Variants in TSC1 observed in about 807,000 individuals in gnomAD.
TSC1 encodes hamartin.
Under a neutral mutation model 124.3 loss-of-function variants are expected in TSC1, and 20 were observed. The ratio of observed to expected loss-of-function variants is 0.16; its 90% confidence interval spans 0.11 to 0.23. TSC1 has a LOEUF of 0.23. Among genes scored for constraint, TSC1 ranks in the 10% least tolerant of loss-of-function variants. The pLI is 1.00. For synonymous variants in TSC1, 493 were observed against 539.1 expected (o/e 0.91, Z 1.19); for missense variants, 1,124 against 1,448.5 (o/e 0.78, Z 3.64).
Position 132,907,467 on chromosome 9 carries a change from G to A in TSC1, c.1264-97C>T, listed in dbSNP as rs1845733827. 5.2e-6 allele frequency: 5 copies of A among 966,080 alleles called. No homozygotes were observed. In the South Asian group the frequency reaches 6.6e-5, roughly 13 times the overall value. The allele number at this position is 966,080 out of a possible 1,614,324, so 59.8% of individuals were successfully genotyped here. A position where few individuals can be genotyped will look rare whatever the true frequency, so the allele number is the denominator to read the frequency against. ...AGTTTAAAGGTCAGCCGAGTGCAGTGATTCTCAAATTGTTGGGATGTTTTC... is the reference window on the plus strand; with the variant it reads ...AGTTTAAAGGTCAGCCGAGTGCAGTAATTCTCAAATTGTTGGGATGTTTTC... On this transcript the variant is annotated intron_variant, in intron 12 of 22. Transcript: ENST00000298552.
At chr9:132,905,436 C>G in intron 15 of TSC1, 145 bp downstream of exon 15, 2 of 1,126,164 alleles carry the variant, frequency 1.8e-6, no homozygotes, top group Non-Finnish European at 1.3e-6. Flanking sequence ...GATGCAACAG[C>G]CTAGAAGGAC....
At chr9:132,937,181 C>G (rs11243937) in intron 1 of TSC1, among the ~76,000 whole-genome samples, 14,159 of 152,194 alleles carry the variant, frequency 0.093, 661 homozygotes, top group African/African-American at 0.11. Flanking sequence ...TGGTGGCTCA[C>G]GCCTGTAATC....
chr9:132,892,297 T>C lies in TSC1; in HGVS notation c.*3938A>G, dbSNP rs1010544692. 4.3e-6 allele frequency: 1 copy of C among 233,246 alleles called. No individual in the cohort carries two copies. The highest frequency in any genetic ancestry group is 8.5e-6 in the Non-Finnish European group (1 of 118,088). The allele number at this position is 233,246 out of a possible 1,614,324, so 14.4% of individuals were successfully genotyped here. On this transcript the variant is annotated 3_prime_UTR_variant, in exon 23 of 23. Coordinates refer to ENST00000298552, the MANE Select transcript of TSC1 (RefSeq NM_000368.5). ...GCTTAATCAAGTGCAATCAATGCCT[T>C]GGGATCTTTGCAGCAATCTGGGGGG...
At chr9:132,944,055 T>A (rs1265122523) in intron 1 of TSC1, 1 of 152,660 alleles carries the variant, frequency 6.6e-6, no homozygotes, top group African/African-American at 2.4e-5. Flanking sequence ...AGGCGAGTCC[T>A]TGATCCCCAC....
intron 15 of TSC1, 29 bp downstream of exon 15, chr9:132,905,552 A>T (rs2131805668): frequency 6.2e-7 from 1 of 1,613,130 alleles, no homozygotes; most frequent in South Asian, 1.1e-5. Context: ...GGACCATTTA[A>T]CACAGAAGAG....
chr9:132,925,972 A>G, intron 4 of TSC1: 1 of 556,624 alleles, frequency 1.8e-6, no homozygotes, highest in Non-Finnish European at 3.2e-6. Flanking sequence ...AGGACCCTAC[A>G]ATACACGCAT....
At position 132,923,516 on chromosome 9, in the gene TSC1, G is replaced by T; in HGVS notation, c.364-24C>A. 6.2e-7 allele frequency: 1 copy of T among 1,613,968 alleles called. No individual in the cohort carries two copies. Among genetic ancestry groups the T allele is most frequent in the Non-Finnish European group, 8.5e-7 (1 of 1,179,876 alleles). ...ATCTGCAGGAGAAAAGGTCAAACAG[G>T]AAACGTCTGTCAGGCACTGGCACCA... On this transcript the variant is annotated intron_variant, in intron 5 of 22. Coordinates refer to ENST00000298552, the MANE Select transcript of TSC1 (RefSeq NM_000368.5). This position sits in a 1 kb window ranked among gnomAD's most constrained non-coding sequence, Gnocchi z 4.2.
At chr9:132,940,365 T>A (rs948866304) in intron 1 of TSC1, among the ~76,000 whole-genome samples, 13 of 152,166 alleles carry the variant, frequency 8.5e-5, no homozygotes, top group African/African-American at 3.1e-4. Context: ...AAATCCCATG[T>A]CTGTATGAAT....
In TSC1 at chr9:132,896,170, C is replaced by T. The variant is rs1214663855; in HGVS notation, c.*65G>A. The stretch of plus-strand genomic sequence containing the variant: ...CCCTGGAAACAGGAAAGCTTTGAAA[C>T]GTGCATTCACACCTCCTGTTCTGTG... On this transcript the variant is annotated 3_prime_UTR_variant, in exon 23 of 23. Coordinates refer to ENST00000298552, the MANE Select transcript of TSC1 (RefSeq NM_000368.5). This position sits in a 1 kb window ranked among gnomAD's most constrained non-coding sequence, Gnocchi z 4.5. 3.7e-6 allele frequency: 6 copies of T among 1,607,096 alleles called. No individual in the cohort carries two copies. Among genetic ancestry groups the T allele is most frequent in the African/African-American group, 2.7e-5 (2 of 74,824 alleles).
intron 16 of TSC1, 126 bp downstream of exon 16, chr9:132,904,285 A>G: frequency 1.9e-6 from 2 of 1,043,630 alleles, no homozygotes; most frequent in Non-Finnish European, 2.9e-6. Context: ...CCAAGCAGAT[A>G]GCCTGGCCGG....
chr9:132,896,077 C>T lies in TSC1; in HGVS notation c.*158G>A, dbSNP rs1427466549. 13 of 1,100,598 alleles carry T rather than the reference C, an allele frequency of 1.2e-5. No individual in the cohort carries two copies. In the Admixed American group the frequency reaches 1.6e-4, roughly 13 times the overall value. The allele number at this position is 1,100,598 out of a possible 1,614,324, so 68.2% of individuals were successfully genotyped here. On this transcript the variant is annotated 3_prime_UTR_variant, in exon 23 of 23. Coordinates refer to ENST00000298552, the MANE Select transcript of TSC1 (RefSeq NM_000368.5). The surrounding 1 kb of genome is among the most constrained non-coding windows in gnomAD (Gnocchi z 4.5). ...GGCATTTCAATGCCAGATCCAAAAA[C>T]CGTTCTGCATTCAGTCAGCTGTCCA...
intron 5 of TSC1, among the ~76,000 whole-genome samples, chr9:132,924,459 A>C (rs1377935053): frequency 6.6e-6 from 1 of 152,248 alleles, no homozygotes; most frequent in Non-Finnish European, 1.5e-5. Context: ...AATGATTCTC[A>C]GCAGAAAGAA....
In TSC1 at chr9:132,923,012, A is replaced by C. The variant is rs1846650407; in HGVS notation, c.508+336T>G. ...TCACAACAGAGCAGCCAAGGAAGAC[A>C]GAAATGTCCCACAAGCTTAGTCCTG... is the stretch of plus-strand genomic sequence containing the variant. On this transcript the variant is annotated intron_variant, in intron 6 of 22. Transcript: ENST00000298552. The surrounding 1 kb of genome is among the most constrained non-coding windows in gnomAD (Gnocchi z 4.2). 6.6e-6 allele frequency among the ~76,000 whole-genome samples: 1 copy of C among 152,252 alleles called. No individual in the cohort carries two copies. Among genetic ancestry groups the C allele is most frequent in the Non-Finnish European group, 1.5e-5 (1 of 68,042 alleles).
At chr9:132,933,185 C>A (rs1487834230) in intron 2 of TSC1, among the ~76,000 whole-genome samples, 1 of 152,214 alleles carries the variant, frequency 6.6e-6, no homozygotes, top group Admixed American at 6.5e-5. Flanking sequence ...CCTGCCTCAG[C>A]CTCCCGAGTA....
In TSC1 at chr9:132,892,665, A is replaced by G. The variant is rs963867846; in HGVS notation, c.*3570T>C. 1.3e-5 allele frequency: 3 copies of G among 233,216 alleles called. No homozygotes were observed. Among genetic ancestry groups the G allele is most frequent in the African/African-American group, 2.2e-5 (1 of 45,350 alleles). 14.4% of individuals were successfully genotyped at this position (233,216 alleles called of 1,614,324 possible). On this transcript the variant is annotated 3_prime_UTR_variant, in exon 23 of 23. Transcript: ENST00000298552. ...CTTTCAGCGAGAAAAGGTGAGTCTC[A>G]TTACGCAGAACTTTTGTTTGCTCTT...
chr9:132,925,654 A>G lies in TSC1; in HGVS notation c.296T>C (p.Leu99Pro). 1 of 1,614,268 alleles carries G rather than the reference A, an allele frequency of 6.2e-7. No homozygotes were observed. The highest frequency in any genetic ancestry group is 8.5e-7 in the Non-Finnish European group (1 of 1,180,044). Residue 99 changes from leucine (L) to proline (P), a missense_variant, in exon 5 of 23, where the codon CTG (leucine) becomes CCG (proline). Physicochemically the swap from Leu to Pro is moderately conservative, Grantham distance 98. Coordinates refer to ENST00000298552, the MANE Select transcript of TSC1 (RefSeq NM_000368.5). ...ILSLLGHVIRLQPSWKHKLSQ... is the reference protein window; with the variant it reads ...ILSLLGHVIRPQPSWKHKLSQ... ...GAGCTTATGCTTCCAAGATGGCTGC[A>G]GTCTTATGACATGACCCAGTAACGA... is the stretch of plus-strand genomic sequence containing the variant.
Position 132,903,884 on chromosome 9 carries a change from C to T in TSC1, c.2042-67G>A. The T allele has an allele frequency of 1.3e-6, 2 of 1,580,900 alleles. No homozygotes were observed. Among genetic ancestry groups the T allele is most frequent in the Non-Finnish European group, 8.7e-7 (1 of 1,153,700 alleles). On this transcript the variant is annotated intron_variant, in intron 16 of 22. Transcript: ENST00000298552. This position sits in a 1 kb window ranked among gnomAD's most constrained non-coding sequence, Gnocchi z 5.9. ...CAGATGGTTCAATCAAGCCCCCTTC[C>T]CATGTGTTGTTAGCTTAACAAACAC...
At chr9:132,918,313 C>T (rs977114980) in intron 8 of TSC1, among the ~76,000 whole-genome samples, 2 of 152,188 alleles carry the variant, frequency 1.3e-5, no homozygotes, top group African/African-American at 2.4e-5. Context: ...GATTATACTA[C>T]AGAATCCTTA....
At chr9:132,911,280 C>T (rs991600060) in intron 10 of TSC1, 167 bp from the exon 11 acceptor site, 11 of 804,658 alleles carry the variant, frequency 1.4e-5, no homozygotes, top group Non-Finnish European at 2.4e-5. Context: ...ATCAAGACTT[C>T]AAGATGAATC....
Sources: gnomAD v4.1 joint callset for allele counts (sites outside exome capture counted in the v4.1 genomes callset) on GRCh38, gnomAD v4.1.1 for gene constraint, Gnocchi (gnomAD v3.1) non-coding constraint, MANE v1.5 for transcripts, NCBI Gene and HGNC (gene_info 2026-07-23, HGNC 2026-07-21) for gene names.